SNTB2: variants seen among roughly 807,000 people sequenced by gnomAD.
SNTB2 encodes syntrophin beta 2, also known as beta-2-syntrophin.
Under a neutral mutation model 46.2 loss-of-function variants are expected in SNTB2, and 34 were observed. The observed-to-expected ratio is 0.74, with a 90% confidence interval of 0.56 to 0.98. SNTB2 has a LOEUF of 0.98. Ranked by LOEUF, SNTB2 falls within the 50% of genes least tolerant of loss-of-function variation. SNTB2 has a pLI of 0.00. For missense variants in SNTB2, 603 were observed against 731.4 expected (o/e 0.82, Z 2.02); for synonymous variants, 290 against 312.6 (o/e 0.93, Z 0.76).
At chr16:69,191,702 G>A (rs1448015964) in intron 1 of SNTB2, among the ~76,000 whole-genome samples, 1 of 151,814 alleles carries the variant, frequency 6.6e-6, no homozygotes, top group Admixed American at 6.6e-5. Flanking sequence ...GTGCAGTGGT[G>A]CGATCTCAGC....
chr16:69,195,134 C>G (rs1254330461), intron 1 of SNTB2, among the ~76,000 whole-genome samples: 1 of 152,054 alleles, frequency 6.6e-6, no homozygotes, highest in Non-Finnish European at 1.5e-5. Flanking sequence ...ATAGGTAGAA[C>G]AACAAAAGTA....
intron 3 of SNTB2, among the ~76,000 whole-genome samples, 199 bp downstream of exon 3, chr16:69,260,459 A>G (rs562931287): frequency 1.4e-4 from 22 of 152,308 alleles, no homozygotes; most frequent in African/African-American, 5.3e-4. Flanking sequence ...TATCCACTCA[A>G]CCAGAAGTAG....
At chr16:69,231,353 C>T (rs538283689) in intron 1 of SNTB2, among the ~76,000 whole-genome samples, 27 of 152,208 alleles carry the variant, frequency 1.8e-4, no homozygotes, top group Non-Finnish European at 3.5e-4. Context: ...CTTTGGGAGG[C>T]TGAGGCAGGC....
intron 1 of SNTB2, among the ~76,000 whole-genome samples, chr16:69,196,492 A>G (rs1212548763): frequency 6.7e-6 from 1 of 149,270 alleles, no homozygotes; most frequent in Non-Finnish European, 1.5e-5. Context: ...CTCCTGCCTC[A>G]GCCTCCTGAG....
intron 4 of SNTB2, among the ~76,000 whole-genome samples, chr16:69,281,561 C>T (rs1351784119): frequency 2.7e-5 from 4 of 147,440 alleles, no homozygotes; most frequent in Non-Finnish European, 5.9e-5. Flanking sequence ...AAAAGACAGA[C>T]GATTCTTGGC....
intron 1 of SNTB2, among the ~76,000 whole-genome samples, chr16:69,193,300 A>G (rs1326200322): frequency 1.4e-5 from 2 of 146,046 alleles, no homozygotes; most frequent in African/African-American, 5.0e-5. Flanking sequence ...TCATTGAAAG[A>G]GACTCAGATG....
Position 69,187,225 on chromosome 16 carries a change from C to A in SNTB2, c.59C>A (p.Thr20Lys). Residue 20 changes from threonine to lysine, a missense_variant, in exon 1 of 7, where the codon ACG becomes AAG. By Grantham distance (78) the Thr-to-Lys change is moderately conservative. This residue lies in a region of SNTB2 where 66 missense variants were observed against 39.0 expected (regional missense o/e 1.69). Coordinates refer to ENST00000336278, the MANE Select transcript of SNTB2 (RefSeq NM_006750.4). Reference protein sequence around the residue: ...AGAGPAMAVWTRATKAGLVEL... With the variant: ...AGAGPAMAVWKRATKAGLVEL... ...GCGGGGCCGGCCATGGCGGTGTGGACGCGGGCCACCAAAGCGGGGCTGGTG... is the reference window on the plus strand; with the variant it reads ...GCGGGGCCGGCCATGGCGGTGTGGAAGCGGGCCACCAAAGCGGGGCTGGTG... 1.4e-6 allele frequency: 2 copies of A among 1,444,474 alleles called. No individual in the cohort carries two copies. Among genetic ancestry groups the A allele is most frequent in the South Asian group, 1.4e-5 (1 of 70,550 alleles). The allele number at this position is 1,444,474 out of a possible 1,614,324, so 89.5% of individuals were successfully genotyped here.
At chr16:69,300,036 A>G (rs1297746231) in intron 6 of SNTB2, among the ~76,000 whole-genome samples, 1 of 151,402 alleles carries the variant, frequency 6.6e-6, no homozygotes, top group Non-Finnish European at 1.5e-5. Flanking sequence ...GGACTGGACT[A>G]TAGGTGTGTG....
intron 3 of SNTB2, among the ~76,000 whole-genome samples, chr16:69,262,801 C>T (rs1597191257): frequency 2.0e-5 from 3 of 152,076 alleles, no homozygotes; most frequent in South Asian, 2.1e-4. Flanking sequence ...CTCAGCCTCC[C>T]GAGTAGCTGG....
chr16:69,230,684 C>G (rs995476576), intron 1 of SNTB2, among the ~76,000 whole-genome samples: 1 of 149,876 alleles, frequency 6.7e-6, no homozygotes, highest in African/African-American at 2.5e-5. Flanking sequence ...CAAAAAGTAG[C>G]CTCTAATATT....
At chr16:69,280,068 C>A (rs1036515506) in intron 4 of SNTB2, among the ~76,000 whole-genome samples, 1 of 152,104 alleles carries the variant, frequency 6.6e-6, no homozygotes. Flanking sequence ...TGACTCTTAA[C>A]GAGCATGCTG....
intron 4 of SNTB2, among the ~76,000 whole-genome samples, chr16:69,273,318 G>A (rs2143127669): frequency 6.6e-6 from 1 of 152,296 alleles, no homozygotes; most frequent in East Asian, 1.9e-4. Context: ...GCCAAAGAGT[G>A]GAAACAACCT....
At chr16:69,284,004 G>A in intron 4 of SNTB2, 44 bp from the exon 5 acceptor site, 1 of 1,504,886 alleles carries the variant, frequency 6.6e-7, no homozygotes, top group Non-Finnish European at 9.0e-7. Context: ...ATTTTTGTCT[G>A]ATAATGTAGT....
chr16:69,279,551 A>C (rs1965018153), intron 4 of SNTB2, among the ~76,000 whole-genome samples: 1 of 77,910 alleles, frequency 1.3e-5, no homozygotes, highest in Non-Finnish European at 2.4e-5. Context: ...TTTGAGACGG[A>C]ATCTCACTCT....
intron 2 of SNTB2, among the ~76,000 whole-genome samples, chr16:69,250,062 T>G (rs1964710902): frequency 6.6e-6 from 1 of 152,048 alleles, no homozygotes; most frequent in Non-Finnish European, 1.5e-5. Context: ...TTGCAGCACT[T>G]TGCAAAACTC....
chr16:69,272,256 C>A (rs527569290), intron 4 of SNTB2, among the ~76,000 whole-genome samples: 1 of 152,020 alleles, frequency 6.6e-6, no homozygotes, highest in Non-Finnish European at 1.5e-5. Flanking sequence ...ATAAAGAATT[C>A]TTGGCCAGGC....
intron 1 of SNTB2, among the ~76,000 whole-genome samples, chr16:69,189,797 A>G (rs1964033480): frequency 6.6e-6 from 1 of 152,232 alleles, no homozygotes; most frequent in African/African-American, 2.4e-5. Flanking sequence ...GTTTGAACCT[A>G]GTATTCAGAC....
chr16:69,288,582 T>A (rs1280666837), intron 5 of SNTB2, among the ~76,000 whole-genome samples: 3 of 152,158 alleles, frequency 2.0e-5, no homozygotes, highest in Admixed American at 6.5e-5. Flanking sequence ...TCTTATACAC[T>A]GTTGGTGGGA....
At chr16:69,282,563 T>C (rs1965060327) in intron 4 of SNTB2, among the ~76,000 whole-genome samples, 1 of 152,194 alleles carries the variant, frequency 6.6e-6, no homozygotes, top group Non-Finnish European at 1.5e-5. Context: ...TTTAGTATTA[T>C]GTTGACTATC....
Sources: gnomAD v4.1 joint callset for allele counts (sites outside exome capture counted in the v4.1 genomes callset) on GRCh38, gnomAD v4.1.1 for gene constraint, gnomAD v4.1.1 regional missense constraint, MANE v1.5 for transcripts, NCBI Gene and HGNC (gene_info 2026-07-23, HGNC 2026-07-21) for gene names.